Variants in CHRNE observed in about 807,000 individuals in gnomAD.
CHRNE encodes cholinergic receptor nicotinic epsilon subunit.
In CHRNE, 58 loss-of-function variants were observed where a neutral mutation model predicts 56.5. That is an observed-to-expected ratio of 1.03 (90% CI 0.83 to 1.28). The LOEUF (loss-of-function observed/expected upper bound fraction) is 1.28, where lower values mean the gene tolerates loss of function less well. Ranked by LOEUF, CHRNE falls within the 50% of genes most tolerant of loss-of-function variation. CHRNE has a pLI of 0.00. For synonymous variants in CHRNE, 385 were observed against 297.9 expected, an observed-to-expected ratio of 1.29 and a Z score of -3.01; for missense variants, 793 against 688.9, an observed-to-expected ratio of 1.15 and a Z score of -1.69.
At chr17:4,901,884 GCCC>G in intron 5 of CHRNE, 45 bp downstream of exon 5, 1 of 1,526,260 alleles carries the variant, frequency 6.6e-7, no homozygotes, top group Non-Finnish European at 9.0e-7. Flanking sequence ...GCCCCATAAG[GCCC>G]CCCCCCAACA....
Position 4,901,125 on chromosome 17 carries a change from C to T in CHRNE, c.667G>A (p.Asp223Asn), listed in dbSNP as rs1969970796. 1.2e-6 allele frequency: 2 copies of T among 1,612,758 alleles called. No homozygotes were observed. Among genetic ancestry groups the T allele is most frequent in the Non-Finnish European group, 1.7e-6 (2 of 1,179,944 alleles). ...ATGACGTCAGTCTCCCCTGGGCCGT[C>T]GGTGGCGCCACCGTGGTGGCGGCGG... is the stretch of plus-strand genomic sequence containing the variant. ...VIRRHHGGAT[D>N]GPGETDVIYS... Residue 223 changes from aspartate (D) to asparagine (N), a missense_variant, in exon 7 of 12, where the codon GAC becomes AAC. Asp to Asn is a conservative substitution (Grantham distance 23, BLOSUM62 1). Coordinates refer to ENST00000649488, the MANE Select transcript of CHRNE (RefSeq NM_000080.4).
chr17:4,900,845 GGAACAAGAA>G lies in CHRNE; in HGVS notation c.856_864del (p.Phe286_Phe288del). ...GTCTCTGGGATTTTCTGGGCAATGA[GGAACAAGAA>G]GACGGTCTGGGCGAGCAGGACGTTG... On this transcript the variant is annotated inframe_deletion, in exon 8 of 12. Transcript: ENST00000649488. The G allele has an allele frequency of 6.2e-7, 1 of 1,614,204 alleles. No individual in the cohort carries two copies. Among genetic ancestry groups the G allele is most frequent in the Non-Finnish European group, 8.5e-7 (1 of 1,180,018 alleles).
In CHRNE at chr17:4,898,487, T is replaced by G; in HGVS notation, c.*249A>C. 1 of 571,082 alleles carries G rather than the reference T, an allele frequency of 1.8e-6. No individual in the cohort carries two copies. Among genetic ancestry groups the G allele is most frequent in the Non-Finnish European group, 3.1e-6 (1 of 319,510 alleles). The allele number at this position is 571,082 out of a possible 1,614,324, so 35.4% of individuals were successfully genotyped here. A position where few individuals can be genotyped will look rare whatever the true frequency, so the allele number is the denominator to read the frequency against. On this transcript the variant is annotated 3_prime_UTR_variant, in exon 12 of 12. Coordinates refer to ENST00000649488, the MANE Select transcript of CHRNE (RefSeq NM_000080.4). ...AGGCTGGGAGGTCAGCAAGGCTGAA[T>G]GAAGGGCAGTCCTTGCTTTCTGGAA...
In CHRNE at chr17:4,899,323, G is replaced by A; in HGVS notation, c.1094C>T (p.Ala365Val). 1.3e-6 allele frequency: 2 copies of A among 1,562,390 alleles called. No homozygotes were observed. The highest frequency in any genetic ancestry group is 1.2e-5 in the South Asian group (1 of 86,872). The part of the protein sequence containing the change: ...GSPPPPEAPR[A>V]ASPPRRASSV... ...CGACGCCCGCCTTGGGGGCGAGGCG[G>A]CCCGGGGGGCCTCGGGCGGCGGCGG... The change falls in exon 10 of 12, where the codon GCC (alanine) becomes GTC (valine). Residue 365 changes from alanine (A) to valine (V), a missense_variant. Ala to Val is a moderately conservative substitution (Grantham distance 64, BLOSUM62 0). Coordinates refer to ENST00000649488, the MANE Select transcript of CHRNE (RefSeq NM_000080.4).
At chr17:4,906,440 C>T (rs577894511), upstream of CHRNE, among the ~76,000 whole-genome samples, 1 of 152,252 alleles carries the variant, frequency 6.6e-6, no homozygotes. Flanking sequence ...ACTCTATCCT[C>T]CCCAGCAGGA....
At chr17:4,905,679 G>A (rs1473756318), upstream of CHRNE, among the ~76,000 whole-genome samples, 5 of 151,964 alleles carry the variant, frequency 3.3e-5, no homozygotes, top group African/African-American at 1.2e-4. Context: ...TGGCCAACAT[G>A]GTGAAACCCC....
chr17:4,902,953 T>A lies in CHRNE; in HGVS notation c.46+65A>T. 1 of 1,607,410 alleles carries A rather than the reference T, an allele frequency of 6.2e-7. No individual in the cohort carries two copies. Among genetic ancestry groups the A allele is most frequent in the Non-Finnish European group, 8.5e-7 (1 of 1,174,026 alleles). On this transcript the variant is annotated intron_variant, in intron 1 of 11. Coordinates refer to ENST00000649488, the MANE Select transcript of CHRNE (RefSeq NM_000080.4). This position sits in a 1 kb window ranked among gnomAD's most constrained non-coding sequence, Gnocchi z 4.0. ...GTCTCCATCTTGGTCTCTGTCTTTG[T>A]CTTCCCAGTCCCTTCATGTCAGTAT... is the stretch of plus-strand genomic sequence containing the variant.
intron 1 of CHRNE, among the ~76,000 whole-genome samples, chr17:4,908,374 TTG>T (rs1970116078): frequency 6.6e-6 from 1 of 152,190 alleles, no homozygotes; most frequent in Non-Finnish European, 1.5e-5. Context: ...TCCCAGGGGC[TTG>T]CCTTGCTCCT....
At chr17:4,900,366 G>T in intron 8 of CHRNE, 1 of 1,549,084 alleles carries the variant, frequency 6.5e-7, no homozygotes, top group South Asian at 1.2e-5. Flanking sequence ...GGTTCGGCAA[G>T]CTGGGGCTGC....
chr17:4,904,892 C>T (rs1023022411), upstream of CHRNE, among the ~76,000 whole-genome samples: 2 of 152,188 alleles, frequency 1.3e-5, no homozygotes, highest in Non-Finnish European at 2.9e-5. Flanking sequence ...CCTTATCAAC[C>T]CCACGATTTC....
At chr17:4,906,247 G>A (rs974558579), upstream of CHRNE, among the ~76,000 whole-genome samples, 1 of 152,098 alleles carries the variant, frequency 6.6e-6, no homozygotes, top group Non-Finnish European at 1.5e-5. Flanking sequence ...TGTTTAGGAT[G>A]GATAGTGGGT....
upstream of CHRNE, among the ~76,000 whole-genome samples, chr17:4,907,292 G>A (rs1033966735): frequency 1.2e-4 from 19 of 152,060 alleles, no homozygotes; most frequent in African/African-American, 3.6e-4. Flanking sequence ...GGCCGGGCGC[G>A]GGGGCTCACG....
In CHRNE at chr17:4,902,670, T is replaced by C. The variant is rs753272609; in HGVS notation, c.140A>G (p.Asp47Gly). 1.2e-5 allele frequency: 19 copies of C among 1,613,690 alleles called. No individual in the cohort carries two copies. The highest frequency in any genetic ancestry group is 1.6e-5 in the Non-Finnish European group (19 of 1,179,934). ...PGSRPVREPE[D>G]TVTISLKVTL... ...GACCTTGAGGCTGATGGTGACAGTA[T>C]CCTCAGGCTCCCGCACTGGCCGGCT... Residue 47 changes from aspartate (D) to glycine (G), a missense_variant, in exon 2 of 12, where the codon GAT (aspartate) becomes GGT (glycine). Coordinates refer to ENST00000649488, the MANE Select transcript of CHRNE (RefSeq NM_000080.4). The surrounding 1 kb of genome is among the most constrained non-coding windows in gnomAD (Gnocchi z 4.0).
intron 6 of CHRNE, 139 bp downstream of exon 6, chr17:4,901,386 G>T (rs1969980096): frequency 1.0e-6 from 1 of 967,324 alleles, no homozygotes; most frequent in Non-Finnish European, 1.6e-6. Flanking sequence ...AATCGAGAAT[G>T]ATTTCAGGAC....
intron 5 of CHRNE, 113 bp from the exon 6 acceptor site, chr17:4,901,738 C>T: frequency 7.9e-7 from 1 of 1,270,706 alleles, no homozygotes; most frequent in Non-Finnish European, 1.1e-6. Flanking sequence ...CCCACCCCTT[C>T]ACCCAAGCCC....
At chr17:4,899,797 T>G (rs1403855000) in intron 8 of CHRNE, 7 of 1,551,294 alleles carry the variant, frequency 4.5e-6, no homozygotes, top group South Asian at 1.2e-5. Flanking sequence ...GACACCCTGA[T>G]GTGGATCTAC....
upstream of CHRNE, among the ~76,000 whole-genome samples, chr17:4,908,092 A>G (rs1970113926): frequency 2.0e-5 from 3 of 152,214 alleles, no homozygotes; most frequent in African/African-American, 7.2e-5. Context: ...ATCCCCTTGA[A>G]CCAGGCAGTC....
chr17:4,900,909 T>C lies in CHRNE; in HGVS notation c.803-2A>G, dbSNP rs1320610655. On this transcript the variant is annotated splice_acceptor_variant, in intron 7 of 11. Transcript: ENST00000649488. LOFTEE classifies it high-confidence loss of function. ...AGACCGTGCATTTCTGGCCGCCGGC[T>C]GGAGGGAGAGCCAGTGAGAGCGGGC... 13 of 1,613,942 alleles carry C rather than the reference T, an allele frequency of 8.1e-6. No individual in the cohort carries two copies. The highest frequency in any genetic ancestry group is 1.3e-5 in the African/African-American group (1 of 74,912).
Position 4,901,645 on chromosome 17 carries a change from A to C in CHRNE, c.501-20T>G, listed in dbSNP as rs1474346394. ...TGAGAGCTGCGGAGCCAGGGCCGGGAGCCCACCCCAGAAGCTCTGACCTGG... is the reference window on the plus strand; with the variant it reads ...TGAGAGCTGCGGAGCCAGGGCCGGGCGCCCACCCCAGAAGCTCTGACCTGG... On this transcript the variant is annotated intron_variant, in intron 5 of 11. Transcript: ENST00000649488. The C allele has an allele frequency of 6.2e-7, 1 of 1,608,410 alleles. No homozygotes were observed.
Sources: gnomAD v4.1 joint callset for allele counts (sites outside exome capture counted in the v4.1 genomes callset) on GRCh38, gnomAD v4.1.1 for gene constraint, Gnocchi (gnomAD v3.1) non-coding constraint, MANE v1.5 for transcripts, NCBI Gene and HGNC (gene_info 2026-07-23, HGNC 2026-07-21) for gene names.